KIR3DL1: variants seen among roughly 807,000 people sequenced by gnomAD.
KIR3DL1 encodes killer cell immunoglobulin-like receptor 3DL1.
In KIR3DL1, 50 loss-of-function variants were observed where a neutral mutation model predicts 40.3. The ratio of observed to expected loss-of-function variants is 1.24; its 90% CI spans 0.99 to 1.57. KIR3DL1 has a LOEUF of 1.57. Ranked by LOEUF, KIR3DL1 falls within the 40% of genes most tolerant of loss-of-function variation. The pLI, the probability that KIR3DL1 is intolerant of heterozygous loss-of-function variation, is 0.00. For synonymous variants in KIR3DL1, 257 were observed against 207.2 expected, an observed-to-expected ratio of 1.24 and a Z score of -2.07; for missense variants, 661 against 559.9, an observed-to-expected ratio of 1.18 and a Z score of -1.82.
At chr19:54,823,741 C>T (rs1236591356) in intron 5 of KIR3DL1, among the ~76,000 whole-genome samples, 1 of 151,480 alleles carries the variant, frequency 6.6e-6, no homozygotes, top group Non-Finnish European at 1.5e-5. Context: ...ATCCGCCCAC[C>T]TCCGCCTCCT....
chr19:54,818,506 G>A (rs2061467764), exon 3 of KIR3DL1: 1 of 1,611,376 alleles, frequency 6.2e-7, no homozygotes, highest in Non-Finnish European at 8.5e-7. Context: ...TGTGACCACA[G>A]CACATGCAGG....
exon 4 of KIR3DL1, chr19:54,819,842 A>T (rs2061541560): frequency 3.7e-6 from 6 of 1,612,082 alleles, no homozygotes. Flanking sequence ...GGGATCTCTA[A>T]GGACCCCTCA....
intron 6 of KIR3DL1, among the ~76,000 whole-genome samples, chr19:54,826,220 G>A (rs1198885932): frequency 6.7e-6 from 1 of 150,328 alleles, no homozygotes; most frequent in East Asian, 1.9e-4. Flanking sequence ...TGATATTGCA[G>A]ATGGTTAAAT....
chr19:54,824,811 C>T (rs2061801961), intron 5 of KIR3DL1, among the ~76,000 whole-genome samples: 1 of 149,842 alleles, frequency 6.7e-6, no homozygotes, highest in African/African-American at 2.5e-5. Flanking sequence ...TAACATATTT[C>T]TAAGTCAGGT....
chr19:54,820,089 G>A, intron 4 of KIR3DL1, 77 bp downstream of exon 4: 5 of 1,466,396 alleles, frequency 3.4e-6, no homozygotes, highest in Middle Eastern at 1.8e-4. Flanking sequence ...CCCCCAGGTG[G>A]TCATGAGGAA....
chr19:54,818,259 G>A, intron 2 of KIR3DL1, 56 bp from the exon 3 acceptor site: 2 of 1,550,900 alleles, frequency 1.3e-6, no homozygotes, highest in Non-Finnish European at 1.8e-6. Context: ...TGGGCACTGG[G>A]AGTGAGGGGC....
At chr19:54,822,214 A>C (rs958181374) in intron 5 of KIR3DL1, among the ~76,000 whole-genome samples, 2 of 151,254 alleles carry the variant, frequency 1.3e-5, no homozygotes, top group South Asian at 2.1e-4. Context: ...GAGAGATATC[A>C]TCACCAGCAA....
At chr19:54,824,068 TC>T (rs2061767120) in intron 5 of KIR3DL1, among the ~76,000 whole-genome samples, 1 of 151,504 alleles carries the variant, frequency 6.6e-6, no homozygotes, top group African/African-American at 2.4e-5. Flanking sequence ...TCTTGGTTTA[TC>T]TTTTGTGGTG....
intron 1 of KIR3DL1, 46 bp from the exon 2 acceptor site, chr19:54,817,488 C>A: frequency 1.4e-6 from 2 of 1,435,234 alleles, no homozygotes; most frequent in East Asian, 2.6e-5. Flanking sequence ...GCAGGGTGCC[C>A]TGGTTTGCCT....
chr19:54,828,451 G>A (rs1469068289), intron 6 of KIR3DL1, among the ~76,000 whole-genome samples: 1 of 151,050 alleles, frequency 6.6e-6, no homozygotes, highest in Non-Finnish European at 1.5e-5. Context: ...ACATAGGCAG[G>A]TTCATTACTA....
intron 6 of KIR3DL1, among the ~76,000 whole-genome samples, chr19:54,826,429 C>A (rs796783626): frequency 7.9e-6 from 1 of 125,908 alleles, no homozygotes; most frequent in Non-Finnish European, 1.7e-5. Context: ...ATTCTCCTGC[C>A]TCACCCTCTC....
At position 54,821,085 on chromosome 19, in the gene KIR3DL1, TAGAG is replaced by T. The variant is rs376706238; in HGVS notation, c.656-472_656-469del. Among the ~76,000 whole-genome samples, 70 of 149,128 alleles carry T rather than the reference TAGAG, an allele frequency of 4.7e-4. 1 individual carries two copies. The highest frequency in any genetic ancestry group is 6.8e-3 in the Middle Eastern group (2 of 294). On this transcript the variant is annotated intron_variant, in intron 4 of 8. Coordinates refer to ENST00000391728, the Ensembl canonical transcript of KIR3DL1. ...GACAGAGAGGCAGACAGAGAGGTAA[TAGAG>T]AGAGAGATAGATGATACATATATAG...
At chr19:54,817,051 C>T (rs2061380719) in intron 1 of KIR3DL1, among the ~76,000 whole-genome samples, 1 of 144,980 alleles carries the variant, frequency 6.9e-6, no homozygotes. Flanking sequence ...AGATATGATC[C>T]TGGAGTGGAG....
exon 9 of KIR3DL1, chr19:54,830,318 A>T: frequency 1.3e-6 from 2 of 1,504,918 alleles, no homozygotes; most frequent in Non-Finnish European, 1.8e-6. Flanking sequence ...GGGAGACAAC[A>T]GCCCTGTCTC....
At chr19:54,817,611 A>G (rs1379659513) in intron 2 of KIR3DL1, 42 bp downstream of exon 2, 1 of 1,450,096 alleles carries the variant, frequency 6.9e-7, no homozygotes, top group Non-Finnish European at 9.4e-7. Flanking sequence ...CTCCCCACAT[A>G]AGAGGATTTT....
At chr19:54,818,472 C>A in exon 3 of KIR3DL1, 1 of 1,609,562 alleles carries the variant, frequency 6.2e-7, no homozygotes, top group Non-Finnish European at 8.5e-7. Context: ...GCAGAATATT[C>A]CAGGAGAGCT....
At chr19:54,825,753 C>T (rs1263026340) in intron 6 of KIR3DL1, among the ~76,000 whole-genome samples, 5 of 133,794 alleles carry the variant, frequency 3.7e-5, no homozygotes, top group African/African-American at 5.4e-5. Flanking sequence ...GGCTGCCTTC[C>T]CTCTGAGGAT....
At chr19:54,829,459 A>G (rs558183513) in exon 7 of KIR3DL1, 12 of 1,464,728 alleles carry the variant, frequency 8.2e-6, no homozygotes, top group Non-Finnish European at 7.4e-6. Context: ...GTGCTCCAAC[A>G]AAAAAAGTAA....
At chr19:54,818,060 G>A (rs614891) in intron 2 of KIR3DL1, among the ~76,000 whole-genome samples, 29,312 of 147,786 alleles carry the variant, frequency 0.2, 3,419 homozygotes, top group South Asian at 0.33. Context: ...TCTACTTTGT[G>A]TTGTTTTATA....
Sources: gnomAD v4.1 joint callset for allele counts (sites outside exome capture counted in the v4.1 genomes callset) on GRCh38, gnomAD v4.1.1 for gene constraint, MANE v1.5 for transcripts, NCBI Gene and HGNC (gene_info 2026-07-23, HGNC 2026-07-21) for gene names.